The following VPS13B variants were observed in gnomAD, a reference collection of about 807,000 sequenced individuals.
The protein encoded by VPS13B is intermembrane lipid transfer protein VPS13B.
In VPS13B, 285 loss-of-function variants were observed where a neutral mutation model predicts 426.4. That is an observed-to-expected ratio of 0.67 (90% CI 0.61 to 0.74). The LOEUF is 0.74. VPS13B is among the 30% of genes least tolerant of loss of function. The probability of loss-of-function intolerance (pLI) is 0.00; values close to 1 mark genes in which losing one functional copy is unlikely to be tolerated. For synonymous variants in VPS13B, 1,676 were observed against 1,676.4 expected (o/e 1.00, Z 0.01); for missense variants, 4,537 against 4,782.6 (o/e 0.95, Z 1.51).
chr8:99,558,994 C>T (rs1053866675), intron 31 of VPS13B, among the ~76,000 whole-genome samples: 1 of 152,184 alleles, frequency 6.6e-6, no homozygotes, highest in African/African-American at 2.4e-5. Context: ...CACTGTCTTC[C>T]ACAATGGTTG....
intron 17 of VPS13B, among the ~76,000 whole-genome samples, chr8:99,198,464 C>CTA (rs1230070345): frequency 1.3e-5 from 2 of 151,866 alleles, no homozygotes; most frequent in Non-Finnish European, 2.9e-5. Context: ...CTAGCCAAAC[C>CTA]TATTCCATTT....
intron 51 of VPS13B, among the ~76,000 whole-genome samples, chr8:99,831,076 C>CTGTTTTTTTTTT (rs1815017903): frequency 8.3e-6 from 1 of 120,084 alleles, no homozygotes; most frequent in Non-Finnish European, 1.7e-5. Context: ...GTGTTTTTTT[C>CTGTTTTTTTTTT]TTTTTTTTTT....
chr8:99,730,758 G>A (rs1833565444), intron 39 of VPS13B, among the ~76,000 whole-genome samples: 1 of 151,482 alleles, frequency 6.6e-6, no homozygotes, highest in Non-Finnish European at 1.5e-5. Flanking sequence ...TGTAGGTACA[G>A]GTACAGGTAC....
In VPS13B at chr8:99,720,856, T is replaced by C; in HGVS notation, c.6866-7T>C. 6.2e-7 allele frequency: 1 copy of C among 1,609,990 alleles called. No homozygotes were observed. The highest frequency in any genetic ancestry group is 8.5e-7 in the Non-Finnish European group (1 of 1,177,278). On this transcript the variant is annotated splice_region_variant and splice_polypyrimidine_tract_variant and intron_variant, in intron 38 of 61. Transcript: ENST00000357162. ...ATCATACAATTAATTATACTTTTAT[T>C]TGACAGAATCTTTGAAATTGCCTGG...
rs567147188 is a variant in VPS13B, at chr8:99,430,951, CAA to C, written c.3083-585_3083-584del. 3.3e-3 allele frequency among the ~76,000 whole-genome samples: 500 copies of C among 152,264 alleles called. 2 individuals are homozygous for C. The highest frequency in any genetic ancestry group is 0.012 in the African/African-American group (478 of 41,556). On this transcript the variant is annotated intron_variant, in intron 21 of 61. Coordinates refer to ENST00000357162, the MANE Select transcript of VPS13B (RefSeq NM_152564.5). The stretch of plus-strand genomic sequence containing the variant: ...CAGGCTTGTCTTGAACTCCTGACCT[CAA>C]GTGATCTGCCTGACTCGGCCTCCCA...
intron 17 of VPS13B, among the ~76,000 whole-genome samples, chr8:99,227,200 A>G (rs946828882): frequency 6.6e-6 from 1 of 152,212 alleles, no homozygotes; most frequent in Non-Finnish European, 1.5e-5. Context: ...TTCTATAAAC[A>G]TATATAGACA....
At chr8:99,561,976 G>C (rs1304892900) in intron 31 of VPS13B, among the ~76,000 whole-genome samples, 1 of 152,130 alleles carries the variant, frequency 6.6e-6, no homozygotes, top group Non-Finnish European at 1.5e-5. Context: ...TCAGCTTTTT[G>C]AGAAACTGCC....
At chr8:99,180,904 C>T (rs950614433) in intron 16 of VPS13B, among the ~76,000 whole-genome samples, 2 of 152,020 alleles carry the variant, frequency 1.3e-5, no homozygotes, top group African/African-American at 2.4e-5. Flanking sequence ...TTTTTGTGTA[C>T]TGTTAAATGA....
At chr8:99,089,726 C>A (rs980926852) in intron 3 of VPS13B, among the ~76,000 whole-genome samples, 4 of 152,100 alleles carry the variant, frequency 2.6e-5, no homozygotes, top group African/African-American at 9.7e-5. Flanking sequence ...GTTTCTTAAT[C>A]ACACTTAAAA....
intron 27 of VPS13B, among the ~76,000 whole-genome samples, chr8:99,504,617 A>C (rs529559769): frequency 6.6e-6 from 1 of 152,268 alleles, no homozygotes; most frequent in South Asian, 2.1e-4. Context: ...CTCAACAAAG[A>C]GCTTAAAATA....
At chr8:99,207,248 G>A (rs1814782015) in intron 17 of VPS13B, among the ~76,000 whole-genome samples, 1 of 152,090 alleles carries the variant, frequency 6.6e-6, no homozygotes, top group African/African-American at 2.4e-5. Flanking sequence ...GTGTGTGTGT[G>A]TGAAAAATCA....
chr8:99,829,383 A>G (rs896877052), intron 51 of VPS13B, among the ~76,000 whole-genome samples: 53 of 152,066 alleles, frequency 3.5e-4, no homozygotes, highest in African/African-American at 1.2e-3. Flanking sequence ...CACCTGATCA[A>G]TTCGGCTATT....
At chr8:99,768,755 T>C (rs1811348131) in intron 40 of VPS13B, among the ~76,000 whole-genome samples, 1 of 152,214 alleles carries the variant, frequency 6.6e-6, no homozygotes, top group Admixed American at 6.5e-5. Flanking sequence ...GTTTTAATTT[T>C]ACCTGCATAT....
intron 23 of VPS13B, among the ~76,000 whole-genome samples, chr8:99,460,561 C>A (rs989379354): frequency 6.6e-6 from 1 of 152,168 alleles, no homozygotes; most frequent in African/African-American, 2.4e-5. Flanking sequence ...CTCTTCATTT[C>A]TTTCTGTACA....
intron 4 of VPS13B, among the ~76,000 whole-genome samples, chr8:99,100,479 G>T (rs1292683941): frequency 1.3e-5 from 2 of 151,890 alleles, no homozygotes; most frequent in Non-Finnish European, 2.9e-5. Flanking sequence ...TTGTAGAGAC[G>T]GGGTTTTACC....
intron 51 of VPS13B, 102 bp from the exon 52 acceptor site, chr8:99,832,267 A>AAAAG: frequency 7.0e-7 from 1 of 1,419,760 alleles, no homozygotes; most frequent in Non-Finnish European, 9.2e-7. Flanking sequence ...CTCAAAAAAA[A>AAAAG]AAAAGAAAAG....
At chr8:99,100,650 A>G (rs1588036161) in intron 4 of VPS13B, among the ~76,000 whole-genome samples, 1 of 152,230 alleles carries the variant, frequency 6.6e-6, no homozygotes, top group East Asian at 1.9e-4. Flanking sequence ...TAAAATACAT[A>G]TTGTGTTTTG....
At chr8:99,300,753 C>T (rs1260655298) in intron 19 of VPS13B, among the ~76,000 whole-genome samples, 1 of 152,062 alleles carries the variant, frequency 6.6e-6, no homozygotes, top group Non-Finnish European at 1.5e-5. Context: ...TCAGCTATAT[C>T]ATTTATTAGG....
At chr8:99,348,717 A>G (rs1351605858) in intron 19 of VPS13B, among the ~76,000 whole-genome samples, 2 of 152,154 alleles carry the variant, frequency 1.3e-5, no homozygotes, top group African/African-American at 4.8e-5. Flanking sequence ...ATAAGGAGGA[A>G]CCACCTAACA....
Sources: allele counts gnomAD v4.1 joint callset (sites outside exome capture counted in the v4.1 genomes callset), GRCh38; gene constraint gnomAD v4.1.1; transcripts MANE v1.5; gene names NCBI Gene and HGNC (gene_info 2026-07-23, HGNC 2026-07-21).